Variants in HECW2 observed in about 807,000 individuals in gnomAD.
The protein encoded by HECW2 is HECT, C2 and WW domain containing E3 ubiquitin protein ligase 2.
HECW2 carries 61 observed loss-of-function variants against 175.2 expected under a neutral mutation model. That is an observed-to-expected ratio of 0.35 (90% CI 0.28 to 0.43). The LOEUF (loss-of-function observed/expected upper bound fraction) is 0.43, where lower values mean the gene tolerates loss of function less well. Among genes scored for constraint, HECW2 ranks in the 20% least tolerant of loss-of-function variants. The pLI is 1.00. For missense variants in HECW2, 1,524 were observed against 2,000.5 expected (o/e 0.76, Z 4.54); for synonymous variants, 671 against 731.0 (o/e 0.92, Z 1.32).
chr2:196,326,584 C>T (rs1692161325), intron 5 of HECW2, among the ~76,000 whole-genome samples: 1 of 151,850 alleles, frequency 6.6e-6, no homozygotes, highest in African/African-American at 2.4e-5. Context: ...GCTGGGATTA[C>T]AGGCACGTAC....
intron 1 of HECW2, among the ~76,000 whole-genome samples, chr2:196,527,249 G>C (rs890963396): frequency 1.3e-5 from 2 of 152,198 alleles, no homozygotes; most frequent in African/African-American, 4.8e-5. Context: ...TTCCAGGTGC[G>C]TCCGTCACCC....
chr2:196,492,959 A>G (rs1427039144), intron 1 of HECW2, among the ~76,000 whole-genome samples: 1 of 152,252 alleles, frequency 6.6e-6, no homozygotes, highest in East Asian at 1.9e-4. Context: ...TCTTAAAAAT[A>G]AATAGACAAA....
At position 196,361,273 on chromosome 2, in the gene HECW2, TA is replaced by T. The variant is rs200898276; in HGVS notation, c.293-17510del. Among the ~76,000 whole-genome samples the T allele has an allele frequency of 6.5e-3, 997 of 152,286 alleles. 8 individuals are homozygous for T. Among genetic ancestry groups the T allele is most frequent in the Middle Eastern group, 0.02 (6 of 294 alleles). On this transcript the variant is annotated intron_variant, in intron 2 of 28. Transcript: ENST00000644978. ...AAAAACCATGGTTTTATTCTCAAGT[TA>T]AAAGTGTTGCTGTAAGACTGTCATT...
intron 1 of HECW2, among the ~76,000 whole-genome samples, chr2:196,511,995 G>A (rs1325634802): frequency 6.6e-6 from 1 of 152,218 alleles, no homozygotes; most frequent in African/African-American, 2.4e-5. Flanking sequence ...TGCATGTTCT[G>A]TGGAGCAGGA....
At position 196,197,055 on chromosome 2, in the gene HECW2, T is replaced by G. The variant is rs537374241; in HGVS notation, c.*4222A>C. The G allele has an allele frequency of 6.6e-6, 1 of 152,340 alleles. No individual in the cohort carries two copies. Among genetic ancestry groups the G allele is most frequent in the East Asian group, 1.9e-4 (1 of 5,180 alleles). The allele number at this position is 152,340 out of a possible 1,614,324, so 9.4% of individuals were successfully genotyped here. A position where few individuals can be genotyped will look rare whatever the true frequency, so the allele number is the denominator to read the frequency against. On this transcript the variant is annotated 3_prime_UTR_variant, in exon 29 of 29. Transcript: ENST00000644978. ...GCTCATGTGCCACTGCACTCCAGCC[T>G]GGATGACAGAGCCAGACTGTCTCAA... is the stretch of plus-strand genomic sequence containing the variant.
chr2:196,492,313 G>A (rs1014269819), intron 1 of HECW2, among the ~76,000 whole-genome samples: 1 of 152,090 alleles, frequency 6.6e-6, no homozygotes, highest in Non-Finnish European at 1.5e-5. Flanking sequence ...TCCAGACCAT[G>A]GGTTCCCATG....
intron 6 of HECW2, 149 bp from the exon 7 acceptor site, chr2:196,322,769 C>A: frequency 1.5e-6 from 1 of 667,454 alleles, no homozygotes; most frequent in Non-Finnish European, 2.5e-6. Flanking sequence ...ATTGTCAATC[C>A]TTTATTCACT....
intron 2 of HECW2, chr2:196,361,784 C>A: frequency 1.0e-6 from 1 of 980,280 alleles, no homozygotes; most frequent in Non-Finnish European, 1.2e-6. Context: ...CAGTGGAATT[C>A]ATTCCACAGC....
At chr2:196,263,656 C>T (rs777049238) in intron 17 of HECW2, 4 of 152,122 alleles carry the variant, frequency 2.6e-5, no homozygotes, top group African/African-American at 4.8e-5. Context: ...CAGATACAGC[C>T]GAGCAGTTAA....
intron 1 of HECW2, among the ~76,000 whole-genome samples, chr2:196,472,152 T>C (rs907613686): frequency 6.6e-6 from 1 of 151,934 alleles, no homozygotes; most frequent in Non-Finnish European, 1.5e-5. Flanking sequence ...GTCAAATGTA[T>C]GCTATATATT....
intron 2 of HECW2, among the ~76,000 whole-genome samples, chr2:196,374,728 T>C (rs925811823): frequency 5.3e-5 from 8 of 151,904 alleles, no homozygotes; most frequent in Non-Finnish European, 1.0e-4. Context: ...CAAAGTATTA[T>C]CAACAACTCA....
intron 17 of HECW2, 83 bp from the exon 18 acceptor site, chr2:196,257,989 A>G: frequency 2.1e-6 from 2 of 962,196 alleles, no homozygotes; most frequent in Non-Finnish European, 3.3e-6. Context: ...TTTTTATAAT[A>G]GTCATGATGT....
chr2:196,572,149 G>A (rs1322756846), intron 1 of HECW2, among the ~76,000 whole-genome samples: 1 of 152,078 alleles, frequency 6.6e-6, no homozygotes, highest in Non-Finnish European at 1.5e-5. Context: ...GGGACACAGG[G>A]AGTTTTGTTT....
chr2:196,271,174 A>AT lies in HECW2; in HGVS notation c.3335+18dup. ...TTTGTGCTTATGCAACTTGAACCAA[A>AT]TACCAATATTATTGTTACCTGAGTG... On this transcript the variant is annotated intron_variant, in intron 17 of 28. Transcript: ENST00000644978. The AT allele has an allele frequency of 7.0e-7, 1 of 1,428,066 alleles. No homozygotes were observed. Among genetic ancestry groups the AT allele is most frequent in the Non-Finnish European group, 9.9e-7 (1 of 1,013,724 alleles). 88.5% of individuals were successfully genotyped at this position (1,428,066 alleles called of 1,614,324 possible). A position where few individuals can be genotyped will look rare whatever the true frequency, so the allele number is the denominator to read the frequency against.
rs779472290 is a variant in HECW2 at position 196,329,582 on chromosome 2, T to C, written c.564A>G (p.Thr188=). 2.5e-6 allele frequency: 4 copies of C among 1,613,106 alleles called. No individual in the cohort carries two copies. The highest frequency in any genetic ancestry group is 1.1e-5 in the South Asian group (1 of 91,066). The change falls in exon 5 of 29, where the codon ACA becomes ACG. Residue 188 remains threonine (T), a synonymous_variant. Transcript: ENST00000644978. Reference sequence around the variant, plus strand: ...GTTTAAAGACATTCTTACCTGACAATGTAAAGCTAACAAGTTTTCGAGAAT... The same window carrying C: ...GTTTAAAGACATTCTTACCTGACAACGTAAAGCTAACAAGTTTTCGAGAAT... ...NLHSRKLVSF[T]LSDLRAVGLK...
intron 10 of HECW2, chr2:196,316,941 T>C (rs1691720885): frequency 4.2e-6 from 1 of 238,018 alleles, no homozygotes; most frequent in African/African-American, 2.2e-5. Context: ...AATTTGTCTA[T>C]TAGCTGAAAG....
intron 1 of HECW2, among the ~76,000 whole-genome samples, chr2:196,543,371 C>T (rs1425066585): frequency 6.6e-6 from 1 of 150,580 alleles, no homozygotes; most frequent in South Asian, 2.1e-4. Flanking sequence ...AAAGTCCTAC[C>T]CAGAAAGACA....
chr2:196,444,764 T>C (rs1013579745), intron 1 of HECW2, among the ~76,000 whole-genome samples: 8 of 152,226 alleles, frequency 5.3e-5, no homozygotes, highest in African/African-American at 1.7e-4. Context: ...CTCATTAGGC[T>C]GAGATCTGAA....
In HECW2 at chr2:196,228,271, C is replaced by A. The variant is rs1315565547; in HGVS notation, c.3765-17G>T. ...TAATCCAGCCTGTAACAAAAATCCA[C>A]AAAAAGAATAATCTGTTACTTTTTT... On this transcript the variant is annotated splice_polypyrimidine_tract_variant and intron_variant, in intron 21 of 28. Coordinates refer to ENST00000644978, the MANE Select transcript of HECW2 (RefSeq NM_001348768.2). 6.3e-7 allele frequency: 1 copy of A among 1,583,014 alleles called. No homozygotes were observed.
Sources: gnomAD v4.1 joint callset for allele counts (sites outside exome capture counted in the v4.1 genomes callset) on GRCh38, gnomAD v4.1.1 for gene constraint, MANE v1.5 for transcripts, NCBI Gene and HGNC (gene_info 2026-07-23, HGNC 2026-07-21) for gene names.